Variants in ABCB6 observed in about 807,000 individuals in gnomAD.
ABCB6 encodes the protein ATP binding cassette subfamily B member 6 (LAN blood group), also known as ATP-binding cassette sub-family B member 6.
A neutral mutation model predicts 99.4 loss-of-function variants in ABCB6; 87 were observed. The ratio of observed to expected loss-of-function variants is 0.88; its 90% CI spans 0.74 to 1.05. ABCB6 has a LOEUF of 1.05. ABCB6 is among the 50% of genes least tolerant of loss of function. The pLI is 0.00. For synonymous variants in ABCB6, 482 were observed against 447.5 expected, an observed-to-expected ratio of 1.08 and a Z score of -0.97; for missense variants, 1,050 against 1,097.9, an observed-to-expected ratio of 0.96 and a Z score of 0.62.
In ABCB6 at chr2:219,214,134, A is replaced by G. The variant is rs747053444; in HGVS notation, c.1439T>C (p.Ile480Thr). The G allele has an allele frequency of 1.2e-6, 2 of 1,614,162 alleles. No homozygotes were observed. Among genetic ancestry groups the G allele is most frequent in the Admixed American group, 3.3e-5 (2 of 60,030 alleles). ...SYEVERYREA[I>T]IKYQGLEWKS... ...TAGCATCCTCACCTGATATTTGATG[A>G]TGGCCTCTCGATAGCGTTCCACTTC... Residue 480 changes from isoleucine (I) to threonine (T), a missense_variant, in exon 8 of 19, where the codon ATC (isoleucine) becomes ACC (threonine). Ile to Thr is a moderately conservative substitution (Grantham distance 89). Coordinates refer to ENST00000265316, the MANE Select transcript of ABCB6 (RefSeq NM_005689.4).
At position 219,212,495 on chromosome 2, in the gene ABCB6, T is replaced by C. The variant is rs1950591157; in HGVS notation, c.1864-4A>G. 1 of 1,612,582 alleles carries C rather than the reference T, an allele frequency of 6.2e-7. No individual in the cohort carries two copies. The highest frequency in any genetic ancestry group is 8.5e-7 in the Non-Finnish European group (1 of 1,179,360). ...TCCCTGCCCCAGATGGGCCCACCTGTTGCATTGGAAATGGGAAAAATCTCA... is the reference window on the plus strand; with the variant it reads ...TCCCTGCCCCAGATGGGCCCACCTGCTGCATTGGAAATGGGAAAAATCTCA... On this transcript the variant is annotated splice_region_variant and splice_polypyrimidine_tract_variant and intron_variant, in intron 13 of 18. Coordinates refer to ENST00000265316, the MANE Select transcript of ABCB6 (RefSeq NM_005689.4).
At position 219,218,829 on chromosome 2, in the gene ABCB6, G is replaced by A; in HGVS notation, c.-156C>T. ...CCCGGGAAGGGACGCACGTGGACCAGGCCTCACCGCCCACTCCCCTAGCGC... is the reference window on the plus strand; with the variant it reads ...CCCGGGAAGGGACGCACGTGGACCAAGCCTCACCGCCCACTCCCCTAGCGC... On this transcript the variant is annotated 5_prime_UTR_variant, in exon 1 of 19. Transcript: ENST00000265316. 1 of 793,076 alleles carries A rather than the reference G, an allele frequency of 1.3e-6. No individual in the cohort carries two copies. The highest frequency in any genetic ancestry group is 3.1e-5 in the East Asian group (1 of 32,750). 49.1% of individuals were successfully genotyped at this position (793,076 alleles called of 1,614,324 possible). A position where few individuals can be genotyped will look rare whatever the true frequency, so the allele number is the denominator to read the frequency against.
rs752124007 is a variant in ABCB6 at position 219,210,858 on chromosome 2, A to G, written c.2144-35T>C. 3.1e-6 allele frequency: 5 copies of G among 1,613,384 alleles called. No homozygotes were observed. In the South Asian group the frequency reaches 5.5e-5, roughly 18 times the overall value. ...TTACCCACCACACGTTTCTTACGAA[A>G]CGGAGGGAACAGGGGTCAGGGATTA... On this transcript the variant is annotated intron_variant, in intron 15 of 18. Coordinates refer to ENST00000265316, the MANE Select transcript of ABCB6 (RefSeq NM_005689.4).
In ABCB6 at chr2:219,217,678, T is replaced by C. The variant is rs1183721439; in HGVS notation, c.679A>G (p.Arg227Gly). The change falls in exon 2 of 19, where the codon AGG becomes GGG. Residue 227 changes from arginine (R) to glycine (G), a missense_variant. Transcript: ENST00000265316. ...QVHEEDQDVE[R>G]SQVRSAAQQS... ...AAGAAACTGAGGTGTACCTGGCTCC[T>C]TTCCACATCTTGGTCCTCTTCATGA... 4 of 1,599,660 alleles carry C rather than the reference T, an allele frequency of 2.5e-6. No homozygotes were observed. The highest frequency in any genetic ancestry group is 1.4e-5 in the African/African-American group (1 of 73,438).
intron 13 of ABCB6, among the ~76,000 whole-genome samples, 149 bp downstream of exon 13, chr2:219,212,846 CCTCTCCAAGAGGT>C (rs1039090302): frequency 6.6e-5 from 10 of 152,158 alleles, no homozygotes; most frequent in Non-Finnish European, 1.3e-4. Context: ...TTTGAGGTTC[CCTCTCCAAGAGGT>C]CACCAGTGTC....
In ABCB6 at chr2:219,216,088, C is replaced by T. The variant is rs776541657; in HGVS notation, c.1063G>A (p.Glu355Lys). Residue 355 changes from glutamate to lysine, a missense_variant, in exon 5 of 19, where the codon GAG becomes AAG. Glu to Lys is a moderately conservative substitution (Grantham distance 56, BLOSUM62 1). Coordinates refer to ENST00000265316, the MANE Select transcript of ABCB6 (RefSeq NM_005689.4). The surrounding 1 kb of genome is among the most constrained non-coding windows in gnomAD (Gnocchi z 4.2). ...VELLIFSHLH[E>K]LSLRWHLGRR... Reference sequence around the variant, plus strand: ...CCCAGGTGCCAGCGCAGTGAGAGCTCGTGCAGGTGGGAGAAGATGAGCAGC... The same window carrying T: ...CCCAGGTGCCAGCGCAGTGAGAGCTTGTGCAGGTGGGAGAAGATGAGCAGC... The T allele has an allele frequency of 3.1e-5, 50 of 1,591,420 alleles. No homozygotes were observed. The highest frequency in any genetic ancestry group is 2.7e-4 in the African/African-American group (20 of 74,490).
rs1950622865 is a variant in ABCB6, at chr2:219,215,044, A to G, written c.1193T>C (p.Ile398Thr). Residue 398 changes from isoleucine (I) to threonine (T), a missense_variant, in exon 6 of 19, where the codon ATC (isoleucine) becomes ACC (threonine). Physicochemically the swap from Ile to Thr is moderately conservative, Grantham distance 89. Transcript: ENST00000265316. ...VFNVIPTLAD[I>T]IIGIIYFSMF... ...GCTGAAGTAGATGATGCCAATGATG[A>G]TGTCGGCCAGCGTGGGGATGACATT... 6.2e-7 allele frequency: 1 copy of G among 1,614,152 alleles called. No individual in the cohort carries two copies. The highest frequency in any genetic ancestry group is 1.3e-5 in the African/African-American group (1 of 75,064).
chr2:219,212,052 C>T (rs901851496), intron 14 of ABCB6, among the ~76,000 whole-genome samples: 2 of 151,954 alleles, frequency 1.3e-5, no homozygotes, highest in African/African-American at 2.4e-5. Context: ...TGTGAGCCAC[C>T]GCGCCCAGCA....
In ABCB6 at chr2:219,209,998, C is replaced by A. The variant is rs1950554298; in HGVS notation, c.2469G>T (p.Gln823His). Residue 823 changes from glutamine to histidine, a missense_variant, in exon 19 of 19, where the codon CAG (glutamine) becomes CAT (histidine). Physicochemically the swap from Gln to His is conservative, Grantham distance 24. Transcript: ENST00000265316. ...SRGGVYADMW[Q>H]LQQGQEETSE... ...AGGTTTCTTCCTGTCCCTGCTGCAGCTGCCACATGTCAGCATACACCCCAC... is the reference window on the plus strand; with the variant it reads ...AGGTTTCTTCCTGTCCCTGCTGCAGATGCCACATGTCAGCATACACCCCAC... 1 of 1,614,178 alleles carries A rather than the reference C, an allele frequency of 6.2e-7. No homozygotes were observed. Among genetic ancestry groups the A allele is most frequent in the African/African-American group, 1.3e-5 (1 of 75,048 alleles).
Position 219,210,797 on chromosome 2 carries a change from C to G in ABCB6, c.2170G>C (p.Gly724Arg). ...TTCTCCCCGCCGCTCAGCTTCAGTCCCCGCTCGCCCACCTGTGTCCTGTAC... is the reference window on the plus strand; with the variant it reads ...TTCTCCCCGCCGCTCAGCTTCAGTCGCCGCTCGCCCACCTGTGTCCTGTAC... ...EGYRTQVGER[G>R]LKLSGGEKQR... Residue 724 changes from glycine (G) to arginine (R), a missense_variant, in exon 16 of 19, where the codon GGA (glycine) becomes CGA (arginine). Transcript: ENST00000265316. The G allele has an allele frequency of 6.2e-7, 1 of 1,613,856 alleles. No individual in the cohort carries two copies. The highest frequency in any genetic ancestry group is 1.6e-4 in the Middle Eastern group (1 of 6,062).
At chr2:219,210,186 C>T (rs1253364334) in intron 18 of ABCB6, 44 bp downstream of exon 18, 23 of 1,612,358 alleles carry the variant, frequency 1.4e-5, no homozygotes, top group Non-Finnish European at 1.9e-5. Context: ...TTCCTGGAGC[C>T]CCCAATTCAG....
rs1199556705 is a variant in ABCB6 at position 219,213,282 on chromosome 2, G to A, written c.1764C>T (p.Gly588=). ...AGTGCACGTTCTCAAACTCAATACG[G>A]CCCTTCTGAAAGCGAAGGGGCCCTG... ...PGAGPLRFQK[G]RIEFENVHFS... Residue 588 remains glycine (G), a synonymous_variant, in exon 12 of 19, where the codon GGC becomes GGT. Transcript: ENST00000265316. The A allele has an allele frequency of 6.2e-7, 1 of 1,614,002 alleles. No homozygotes were observed. The highest frequency in any genetic ancestry group is 8.5e-7 in the Non-Finnish European group (1 of 1,180,038).
rs773712027 is a variant in ABCB6 at position 219,216,033 on chromosome 2, G to A, written c.1118C>T (p.Ala373Val). 3.0e-5 allele frequency: 48 copies of A among 1,601,772 alleles called. No homozygotes were observed. Among genetic ancestry groups the A allele is most frequent in the Middle Eastern group, 1.8e-4 (1 of 5,584 alleles). The change falls in exon 5 of 19, where the codon GCG (alanine) becomes GTG (valine). Residue 373 changes from alanine to valine, a missense_variant. Ala to Val is a moderately conservative substitution (Grantham distance 64). Transcript: ENST00000265316. The surrounding 1 kb of genome is among the most constrained non-coding windows in gnomAD (Gnocchi z 4.2). ...TGTGACACTGGATGTGCCCCGATCCGCGATCCGCAGCACCTCCCCTGTGCG... is the reference window on the plus strand; with the variant it reads ...TGTGACACTGGATGTGCCCCGATCCACGATCCGCAGCACCTCCCCTGTGCG... ...GRRTGEVLRI[A>V]DRGTSSVTGL...
In ABCB6 at chr2:219,213,506, C is replaced by A. The variant is rs1950603008; in HGVS notation, c.1656-4G>T. 1.2e-6 allele frequency: 2 copies of A among 1,614,036 alleles called. No individual in the cohort carries two copies. Among genetic ancestry groups the A allele is most frequent in the African/African-American group, 1.3e-5 (1 of 74,916 alleles). ...AATGAAGTTGGTCTGGATCATCCTG[C>A]AAAAAGGTGCTGGTTAGGACTTCTC... On this transcript the variant is annotated splice_polypyrimidine_tract_variant and splice_region_variant and intron_variant, in intron 10 of 18. Coordinates refer to ENST00000265316, the MANE Select transcript of ABCB6 (RefSeq NM_005689.4).
Position 219,210,058 on chromosome 2 carries a change from A to G in ABCB6, c.2421-12T>C, listed in dbSNP as rs755359852. 1.2e-6 allele frequency: 2 copies of G among 1,613,160 alleles called. No homozygotes were observed. Among genetic ancestry groups the G allele is most frequent in the Non-Finnish European group, 1.7e-6 (2 of 1,179,242 alleles). On this transcript the variant is annotated splice_polypyrimidine_tract_variant and intron_variant, in intron 18 of 18. Transcript: ENST00000265316. ...ACAGAGCCTCGTGTCTGGGGTGAGG[A>G]GAAAAGTGTGAGTCCTAACCATTAG...
At chr2:219,215,184 C>G (rs1448465876) in intron 5 of ABCB6, 102 bp from the exon 6 acceptor site, 6 of 1,466,554 alleles carry the variant, frequency 4.1e-6, no homozygotes, top group Non-Finnish European at 9.3e-7. Flanking sequence ...AAGCAACAGA[C>G]TGGAACCAGT....
Position 219,209,790 on chromosome 2 carries a change from T to C in ABCB6, c.*148A>G. 2 of 718,140 alleles carry C rather than the reference T, an allele frequency of 2.8e-6. No homozygotes were observed. Among genetic ancestry groups the C allele is most frequent in the South Asian group, 3.3e-5 (2 of 60,380 alleles). 44.5% of individuals were successfully genotyped at this position (718,140 alleles called of 1,614,324 possible). A position where few individuals can be genotyped will look rare whatever the true frequency, so the allele number is the denominator to read the frequency against. On this transcript the variant is annotated 3_prime_UTR_variant, in exon 19 of 19. Coordinates refer to ENST00000265316, the MANE Select transcript of ABCB6 (RefSeq NM_005689.4). ...ATCCTCGCACAGTCCACATTTTTAT[T>C]TCCCCAAAAGATGTTTTTCGGAAAG... is the stretch of plus-strand genomic sequence containing the variant.
rs771092973 is a variant in ABCB6 at position 219,214,137 on chromosome 2, G to T, written c.1436C>A (p.Ala479Asp). Reference protein sequence around the residue: ...ESYEVERYREAIIKYQGLEWK... With the variant: ...ESYEVERYREDIIKYQGLEWK... ...CATCCTCACCTGATATTTGATGATGGCCTCTCGATAGCGTTCCACTTCGTA... is the reference window on the plus strand; with the variant it reads ...CATCCTCACCTGATATTTGATGATGTCCTCTCGATAGCGTTCCACTTCGTA... The change falls in exon 8 of 19, where the codon GCC (alanine) becomes GAC (aspartate). Residue 479 changes from alanine to aspartate, a missense_variant. Coordinates refer to ENST00000265316, the MANE Select transcript of ABCB6 (RefSeq NM_005689.4). The T allele has an allele frequency of 6.2e-7, 1 of 1,614,126 alleles. No homozygotes were observed. Among genetic ancestry groups the T allele is most frequent in the African/African-American group, 1.3e-5 (1 of 75,018 alleles).
chr2:219,212,449 G>A lies in ABCB6; in HGVS notation c.1906C>T (p.Leu636=). ...GAGCTGATGTCGTAGAAGCGAAACA[G>A]CAGGCGCAAAATTGTGCTCTTCCCT... The part of the protein sequence containing the change: ...GAGKSTILRL[L]FRFYDISSGC... The change falls in exon 14 of 19, where the codon CTG becomes TTG. Residue 636 remains leucine (L), a synonymous_variant. Transcript: ENST00000265316. The A allele has an allele frequency of 1.2e-6, 2 of 1,614,170 alleles. No homozygotes were observed. Among genetic ancestry groups the A allele is most frequent in the East Asian group, 2.2e-5 (1 of 44,878 alleles).
Sources: allele counts gnomAD v4.1 joint callset (sites outside exome capture counted in the v4.1 genomes callset), GRCh38; gene constraint gnomAD v4.1.1; non-coding constraint Gnocchi (gnomAD v3.1); transcripts MANE v1.5; gene names NCBI Gene and HGNC (gene_info 2026-07-23, HGNC 2026-07-21).